Variants in PER3 observed in about 807,000 individuals in gnomAD.
The protein encoded by PER3 is period circadian protein homolog 3.
PER3 carries 107 observed loss-of-function variants against 127.2 expected under a neutral mutation model. The ratio of observed to expected loss-of-function variants is 0.84; its 90% CI spans 0.72 to 0.99. The LOEUF (loss-of-function observed/expected upper bound fraction) is 0.99, where lower values mean the gene tolerates loss of function less well. PER3 is among the 50% of genes least tolerant of loss of function. PER3 has a pLI of 0.00. For synonymous variants in PER3, 618 were observed against 585.8 expected, an observed-to-expected ratio of 1.05 and a Z score of -0.79; for missense variants, 1,560 against 1,525.8, an observed-to-expected ratio of 1.02 and a Z score of -0.37.
chr1:7,793,153 C>T (rs1359753346), intron 5 of PER3, among the ~76,000 whole-genome samples: 1 of 152,138 alleles, frequency 6.6e-6, no homozygotes, highest in Non-Finnish European at 1.5e-5. Flanking sequence ...CACAGTTTTC[C>T]ATGGTTCCTA....
chr1:7,812,624 CAAAAAAA>C (rs35962033), intron 13 of PER3, among the ~76,000 whole-genome samples: 138 of 85,400 alleles, frequency 1.6e-3, no homozygotes, highest in Middle Eastern at 6.9e-3. Context: ...GACTCCGTCT[CAAAAAAA>C]AAAAAAAAAA....
At position 7,788,257 on chromosome 1, in the gene PER3, CA is replaced by C. The variant is rs1457209039; in HGVS notation, c.592+13del. 1.3e-6 allele frequency: 2 copies of C among 1,578,464 alleles called. No homozygotes were observed. The highest frequency in any genetic ancestry group is 2.7e-5 in the African/African-American group (2 of 74,346). ...ACTGGACCCAAAGAGGTAACAGGAC[CA>C]ATGTTCAGATGTCTATCTTTCCTCA... On this transcript the variant is annotated intron_variant, in intron 5 of 21. Coordinates refer to ENST00000377532, the MANE Select transcript of PER3 (RefSeq NM_001377275.1).
At chr1:7,796,678 G>GAA (rs1421877911) in intron 6 of PER3, among the ~76,000 whole-genome samples, 2 of 152,118 alleles carry the variant, frequency 1.3e-5, no homozygotes, top group Non-Finnish European at 2.9e-5. Flanking sequence ...TTTGGAGGGG[G>GAA]AAGAAGGGAG....
chr1:7,842,123 C>T (rs1006172272), intron 21 of PER3, among the ~76,000 whole-genome samples: 1 of 152,118 alleles, frequency 6.6e-6, no homozygotes. Flanking sequence ...TCTTACAAGA[C>T]CACCATTATA....
Position 7,843,522 on chromosome 1 carries a change from A to AT in PER3, c.*772dup, listed in dbSNP as rs1263001993. 4 of 152,384 alleles carry AT rather than the reference A, an allele frequency of 2.6e-5. No individual in the cohort carries two copies. The highest frequency in any genetic ancestry group is 9.6e-5 in the African/African-American group (4 of 41,462). 9.4% of individuals were successfully genotyped at this position (152,384 alleles called of 1,614,324 possible). On this transcript the variant is annotated 3_prime_UTR_variant, in exon 22 of 22. Coordinates refer to ENST00000377532, the MANE Select transcript of PER3 (RefSeq NM_001377275.1). ...ACCCAGTGCTGTTGCCCTTTTGAGT[A>AT]TTTTTGTTTTTAAAATAATGATTGT... is the stretch of plus-strand genomic sequence containing the variant.
At chr1:7,793,443 A>G (rs989458925) in intron 5 of PER3, among the ~76,000 whole-genome samples, 3 of 152,236 alleles carry the variant, frequency 2.0e-5, no homozygotes, top group Admixed American at 1.3e-4. Flanking sequence ...TCCATACACA[A>G]TAAAGTCATA....
At chr1:7,802,841 A>G (rs1338740359) in intron 8 of PER3, among the ~76,000 whole-genome samples, 3 of 152,222 alleles carry the variant, frequency 2.0e-5, no homozygotes, top group South Asian at 2.1e-4. Context: ...TTTTGATGTA[A>G]TGTGTCAGAT....
chr1:7,796,774 G>T (rs1198316058), intron 6 of PER3, among the ~76,000 whole-genome samples: 1 of 152,114 alleles, frequency 6.6e-6, no homozygotes, highest in Non-Finnish European at 1.5e-5. Context: ...GTATATTCTG[G>T]ATATTTTTTA....
Position 7,810,459 on chromosome 1 carries a change from G to A in PER3, c.1393G>A (p.Ala465Thr), listed in dbSNP as rs746930408. The change falls in exon 13 of 22, where the codon GCC becomes ACC. Residue 465 changes from alanine (A) to threonine (T), a missense_variant. Around this residue, in one of 3 missense-constraint regions of PER3, gnomAD observed 1,332 missense variants for 1,223.6 expected, o/e 1.09. Transcript: ENST00000377532. ...TAAGATGACCTTGCAGCAGGTCTATGCCAGTGTGAACAAAATTAAAAATCT... is the reference window on the plus strand; with the variant it reads ...TAAGATGACCTTGCAGCAGGTCTATACCAGTGTGAACAAAATTAAAAATCT... The part of the protein sequence containing the change: ...AEQMTLQQVY[A>T]SVNKIKNLGQ... 1.2e-6 allele frequency: 2 copies of A among 1,611,538 alleles called. No individual in the cohort carries two copies. The highest frequency in any genetic ancestry group is 2.2e-5 in the South Asian group (2 of 90,814).
chr1:7,830,632 G>C (rs2151195506), intron 19 of PER3, among the ~76,000 whole-genome samples: 1 of 152,314 alleles, frequency 6.6e-6, no homozygotes, highest in South Asian at 2.1e-4. Flanking sequence ...GCTTAGATCT[G>C]TGATCCATTT....
intron 5 of PER3, 59 bp downstream of exon 5, chr1:7,788,305 C>T: frequency 5.2e-6 from 6 of 1,164,986 alleles, no homozygotes; most frequent in Non-Finnish European, 7.8e-6. Flanking sequence ...TTCATTCTTA[C>T]AGGAATAGTA....
Position 7,826,388 on chromosome 1 carries a change from T to C in PER3, c.1958-92T>C. ...CGTATTCCAGCAGTTATAATAATGTTTGTAAAAATGTATCAAAAGGCAGTT... is the reference window on the plus strand; with the variant it reads ...CGTATTCCAGCAGTTATAATAATGTCTGTAAAAATGTATCAAAAGGCAGTT... On this transcript the variant is annotated intron_variant, in intron 16 of 21. Transcript: ENST00000377532. The surrounding 1 kb of genome is among the most constrained non-coding windows in gnomAD (Gnocchi z 4.2). The C allele has an allele frequency of 1.4e-6, 1 of 722,524 alleles. No homozygotes were observed. 44.8% of individuals were successfully genotyped at this position (722,524 alleles called of 1,614,324 possible).
intron 5 of PER3, among the ~76,000 whole-genome samples, chr1:7,793,756 C>G (rs2097132357): frequency 6.6e-6 from 1 of 152,010 alleles, no homozygotes; most frequent in Admixed American, 6.5e-5. Context: ...GTTCACGGTT[C>G]CAGTACCAAA....
At chr1:7,810,296 G>A in intron 12 of PER3, 142 bp from the exon 13 acceptor site, 1 of 674,076 alleles carries the variant, frequency 1.5e-6, no homozygotes. Context: ...GTGGCATGGT[G>A]CAGGAAACTG....
rs556093537 is a variant in PER3 at position 7,827,228 on chromosome 1, C to G, written c.2299C>G (p.Pro767Ala). ...DSSSSNTGSG[P>A]RRGAHQNAQP... The stretch of plus-strand genomic sequence containing the variant: ...CAGCAGCTCGAACACCGGCTCTGGT[C>G]CCCGCAGGGGAGCGCATCAGAACGC... The change falls in exon 18 of 22, where the codon CCC (proline) becomes GCC (alanine). Residue 767 changes from proline to alanine, a missense_variant. Transcript: ENST00000377532. 9 of 1,613,980 alleles carry G rather than the reference C, an allele frequency of 5.6e-6. No individual in the cohort carries two copies. Among genetic ancestry groups the G allele is most frequent in the Non-Finnish European group, 6.8e-6 (8 of 1,179,966 alleles).
At chr1:7,792,754 T>C (rs1558388610) in intron 5 of PER3, among the ~76,000 whole-genome samples, 3 of 152,216 alleles carry the variant, frequency 2.0e-5, no homozygotes, top group Admixed American at 1.3e-4. Flanking sequence ...TGTACAAACC[T>C]CTTAGAAGGA....
chr1:7,809,914 AGCG>A lies in PER3; in HGVS notation c.1267_1269del (p.Gly423del), dbSNP rs1221041653. 32 of 1,614,066 alleles carry A rather than the reference AGCG, an allele frequency of 2.0e-5. No individual in the cohort carries two copies. Among genetic ancestry groups the A allele is most frequent in the Non-Finnish European group, 2.5e-5 (29 of 1,180,026 alleles). On this transcript the variant is annotated inframe_deletion, in exon 12 of 22. Transcript: ENST00000377532. ...CCAGCCAGTTCACGTGAGCGTGTCC[AGCG>A]GCTACGGGAGCCTGGGGAGCAGCGG...
chr1:7,793,510 G>T (rs2097131189), intron 5 of PER3, among the ~76,000 whole-genome samples: 1 of 152,038 alleles, frequency 6.6e-6, no homozygotes. Flanking sequence ...TCCAAAGAAA[G>T]AGCTTAAAGA....
intron 10 of PER3, 122 bp downstream of exon 10, chr1:7,803,970 G>A (rs12566042): frequency 0.052 from 39,037 of 751,188 alleles, 2,883 homozygotes; most frequent in Admixed American, 0.25. Flanking sequence ...ATTTGTTTTC[G>A]GTGCTTTGGG....
Sources: gnomAD v4.1 joint callset for allele counts (sites outside exome capture counted in the v4.1 genomes callset) on GRCh38, gnomAD v4.1.1 for gene constraint, gnomAD v4.1.1 regional missense constraint, Gnocchi (gnomAD v3.1) non-coding constraint, MANE v1.5 for transcripts, NCBI Gene and HGNC (gene_info 2026-07-23, HGNC 2026-07-21) for gene names.